FHIT: variants seen among roughly 807,000 people sequenced by gnomAD.
FHIT encodes bis(5'-adenosyl)-triphosphatase.
A neutral mutation model predicts 17.9 loss-of-function variants in FHIT; 19 were observed. That is an observed-to-expected ratio of 1.06 (90% CI 0.74 to 1.56). The LOEUF (loss-of-function observed/expected upper bound fraction) is 1.56, where lower values mean the gene tolerates loss of function less well. FHIT is among the 40% of genes most tolerant of loss of function. The probability of loss-of-function intolerance (pLI) is 0.00; values close to 1 mark genes in which losing one functional copy is unlikely to be tolerated. For synonymous variants in FHIT, 81 were observed against 69.7 expected (o/e 1.16, Z -0.81); for missense variants, 248 against 189.2 (o/e 1.31, Z -1.82).
intron 5 of FHIT, among the ~76,000 whole-genome samples, chr3:60,302,701 C>A (rs999486896): frequency 6.6e-6 from 1 of 152,160 alleles, no homozygotes; most frequent in East Asian, 1.9e-4. Flanking sequence ...TCACTGACGT[C>A]TAACACATAT....
At chr3:60,587,526 A>T (rs368162884) in intron 4 of FHIT, among the ~76,000 whole-genome samples, 1 of 152,010 alleles carries the variant, frequency 6.6e-6, no homozygotes, top group Admixed American at 6.6e-5. Context: ...AAATTTAAAA[A>T]AAACTCAAAA....
At chr3:60,524,739 G>C (rs1057364877) in intron 5 of FHIT, among the ~76,000 whole-genome samples, 1 of 152,076 alleles carries the variant, frequency 6.6e-6, no homozygotes, top group Non-Finnish European at 1.5e-5. Flanking sequence ...TCACGATCAT[G>C]TTGTGTCCTC....
At chr3:60,195,462 T>C (rs1404825854) in intron 5 of FHIT, among the ~76,000 whole-genome samples, 1 of 149,686 alleles carries the variant, frequency 6.7e-6, no homozygotes, top group Non-Finnish European at 1.5e-5. Flanking sequence ...TGCACACATA[T>C]ATTTATTGCA....
At chr3:60,638,177 C>T (rs56152902) in intron 4 of FHIT, among the ~76,000 whole-genome samples, 33,292 of 152,080 alleles carry the variant, frequency 0.22, 3,813 homozygotes, top group Admixed American at 0.27. Flanking sequence ...GGAAATTAAA[C>T]ACTTACCCTG....
At chr3:60,550,223 C>T (rs1390512870) in intron 4 of FHIT, among the ~76,000 whole-genome samples, 2 of 152,112 alleles carry the variant, frequency 1.3e-5, no homozygotes, top group African/African-American at 4.8e-5. Flanking sequence ...AAACAAGGCA[C>T]ATAAATGAAT....
intron 5 of FHIT, among the ~76,000 whole-genome samples, chr3:60,145,536 C>A (rs1700203981): frequency 6.6e-6 from 1 of 152,180 alleles, no homozygotes; most frequent in Non-Finnish European, 1.5e-5. Flanking sequence ...CACTAAATCT[C>A]CACAGAATCA....
intron 3 of FHIT, among the ~76,000 whole-genome samples, chr3:61,036,679 A>G (rs1450652657): frequency 6.6e-6 from 1 of 152,218 alleles, no homozygotes; most frequent in African/African-American, 2.4e-5. Context: ...GCTACAAAGC[A>G]TTATGTTGGG....
chr3:60,931,287 C>T (rs1707939686), intron 3 of FHIT, among the ~76,000 whole-genome samples: 1 of 152,052 alleles, frequency 6.6e-6, no homozygotes, highest in African/African-American at 2.4e-5. Context: ...ATGGGTGCAG[C>T]ACACCAACAT....
intron 4 of FHIT, among the ~76,000 whole-genome samples, chr3:60,640,838 T>A (rs2039707704): frequency 6.6e-6 from 1 of 152,180 alleles, no homozygotes; most frequent in Admixed American, 6.5e-5. Context: ...TACTAAAGTA[T>A]TTATAGGTGA....
intron 3 of FHIT, among the ~76,000 whole-genome samples, chr3:60,962,601 C>G (rs562236859): frequency 6.6e-6 from 1 of 152,208 alleles, no homozygotes; most frequent in Admixed American, 6.5e-5. Flanking sequence ...TCAGACACGT[C>G]CCATCACTAC....
At chr3:60,575,402 G>C (rs1049527603) in intron 4 of FHIT, among the ~76,000 whole-genome samples, 2 of 152,092 alleles carry the variant, frequency 1.3e-5, no homozygotes, top group African/African-American at 4.8e-5. Flanking sequence ...CTAAACATTA[G>C]AGATGGGTAC....
At chr3:60,717,636 C>T (rs1472779892) in intron 4 of FHIT, among the ~76,000 whole-genome samples, 1 of 152,120 alleles carries the variant, frequency 6.6e-6, no homozygotes, top group East Asian at 1.9e-4. Flanking sequence ...AAAGAAATTG[C>T]ATATGTGAAT....
At chr3:59,767,910 T>C (rs558171122) in intron 8 of FHIT, among the ~76,000 whole-genome samples, 3 of 152,326 alleles carry the variant, frequency 2.0e-5, no homozygotes, top group Admixed American at 1.3e-4. Flanking sequence ...ACAGACTAAA[T>C]TGAGGCTCTA....
At chr3:60,141,787 A>G (rs1261676021) in intron 5 of FHIT, among the ~76,000 whole-genome samples, 1 of 152,228 alleles carries the variant, frequency 6.6e-6, no homozygotes, top group Non-Finnish European at 1.5e-5. Flanking sequence ...GCAAGAAAAC[A>G]TAAAATGTAC....
intron 7 of FHIT, among the ~76,000 whole-genome samples, chr3:59,926,070 C>A (rs960714184): frequency 6.6e-6 from 1 of 152,214 alleles, no homozygotes; most frequent in Non-Finnish European, 1.5e-5. Context: ...TGCAGTTGAG[C>A]TGCTTGAGCT....
chr3:60,512,933 T>C (rs759790224), intron 5 of FHIT, among the ~76,000 whole-genome samples: 32 of 152,208 alleles, frequency 2.1e-4, no homozygotes, highest in Non-Finnish European at 3.7e-4. Flanking sequence ...TTTAGGAACC[T>C]TGACTGGATC....
chr3:60,608,599 A>G (rs1287033205), intron 4 of FHIT, among the ~76,000 whole-genome samples: 1 of 152,136 alleles, frequency 6.6e-6, no homozygotes, highest in Non-Finnish European at 1.5e-5. Flanking sequence ...CCCACCAGGA[A>G]AAAAAGGAGT....
At position 61,154,908 on chromosome 3, in the gene FHIT, T is replaced by A. The variant is rs374388400; in HGVS notation, c.-164+45709A>T. ...CAATTCAATAGCTTATCTATTCCCTTTTAAATAAAAGCTAGTTCACATCAT... is the reference window on the plus strand; with the variant it reads ...CAATTCAATAGCTTATCTATTCCCTATTAAATAAAAGCTAGTTCACATCAT... On this transcript the variant is annotated intron_variant, in intron 2 of 9. Transcript: ENST00000492590. Among the ~76,000 whole-genome samples the A allele has an allele frequency of 2.6e-5, 4 of 152,334 alleles. No individual in the cohort carries two copies. The East Asian group carries it at 5.8e-4, about 22-fold the overall frequency.
At chr3:60,880,349 G>C (rs546321019) in intron 3 of FHIT, among the ~76,000 whole-genome samples, 1 of 152,302 alleles carries the variant, frequency 6.6e-6, no homozygotes, top group East Asian at 1.9e-4. Context: ...ATCACCACTA[G>C]AACAGTTTTA....
Sources: gnomAD v4.1 joint callset for allele counts (sites outside exome capture counted in the v4.1 genomes callset) on GRCh38, gnomAD v4.1.1 for gene constraint, MANE v1.5 for transcripts, NCBI Gene and HGNC (gene_info 2026-07-23, HGNC 2026-07-21) for gene names.